LSAMP: variants seen among roughly 807,000 people sequenced by gnomAD.
The protein encoded by LSAMP is limbic system-associated membrane protein.
In LSAMP, 7 loss-of-function variants were observed where a neutral mutation model predicts 38.6. The ratio of observed to expected loss-of-function variants is 0.18; its 90% CI spans 0.10 to 0.34. The LOEUF is 0.34. LSAMP is among the 10% of genes least tolerant of loss of function. LSAMP has a pLI of 1.00. For synonymous variants in LSAMP, 154 were observed against 166.8 expected (o/e 0.92, Z 0.59); for missense variants, 313 against 420.0 (o/e 0.75, Z 2.23).
chr3:116,321,552 G>GT (rs145181305), intron 1 of LSAMP, among the ~76,000 whole-genome samples: 2,486 of 151,922 alleles, frequency 0.016, 70 homozygotes, highest in African/African-American at 0.056. Context: ...TATTATTCAT[G>GT]TTTTTTTTAC....
intron 3 of LSAMP, among the ~76,000 whole-genome samples, chr3:115,916,280 T>G (rs1937249497): frequency 6.6e-6 from 1 of 152,100 alleles, no homozygotes; most frequent in South Asian, 2.1e-4. Flanking sequence ...AATGGAGAGC[T>G]GCAAGGGGCT....
chr3:115,912,901 T>A (rs1422900295), intron 3 of LSAMP, among the ~76,000 whole-genome samples: 3 of 152,182 alleles, frequency 2.0e-5, no homozygotes, highest in Admixed American at 6.5e-5. Flanking sequence ...GTTCCTTACA[T>A]CCTGAGGTCC....
intron 1 of LSAMP, among the ~76,000 whole-genome samples, chr3:116,352,609 T>C (rs1271879188): frequency 6.6e-6 from 1 of 152,136 alleles, no homozygotes; most frequent in Non-Finnish European, 1.5e-5. Flanking sequence ...TAATAGTTCT[T>C]TTACCTAGTC....
At chr3:115,837,767 C>T (rs1436210922) in intron 6 of LSAMP, 2 of 152,208 alleles carry the variant, frequency 1.3e-5, no homozygotes, top group Non-Finnish European at 2.9e-5. Context: ...AGGGCCTAGA[C>T]TCTTGAAATA....
chr3:116,430,088 A>G (rs754674882), intron 1 of LSAMP, among the ~76,000 whole-genome samples: 18 of 152,206 alleles, frequency 1.2e-4, no homozygotes, highest in South Asian at 2.1e-4. Flanking sequence ...ATGCATGTGT[A>G]TGAAGCTGGC....
intron 1 of LSAMP, among the ~76,000 whole-genome samples, chr3:116,299,867 C>T (rs1022334683): frequency 7.9e-6 from 1 of 126,112 alleles, no homozygotes; most frequent in African/African-American, 3.7e-5. Flanking sequence ...GTGGGGAAAC[C>T]AACAGCTTGC....
At chr3:115,999,354 G>A (rs1453535582) in intron 3 of LSAMP, among the ~76,000 whole-genome samples, 2 of 151,990 alleles carry the variant, frequency 1.3e-5, no homozygotes, top group African/African-American at 4.8e-5. Flanking sequence ...TTGCTGCTTT[G>A]TTATCCCCCA....
At chr3:116,430,768 G>A (rs948778257) in intron 1 of LSAMP, among the ~76,000 whole-genome samples, 1 of 151,932 alleles carries the variant, frequency 6.6e-6, no homozygotes, top group African/African-American at 2.4e-5. Flanking sequence ...TAATTGATAG[G>A]GGGATACTTA....
intron 1 of LSAMP, among the ~76,000 whole-genome samples, chr3:116,314,765 A>G (rs997166678): frequency 6.6e-6 from 1 of 152,308 alleles, no homozygotes; most frequent in African/African-American, 2.4e-5. Flanking sequence ...AGCTGTCAAC[A>G]TCTATATAAA....
chr3:115,845,087 A>C (rs1194037738), intron 4 of LSAMP, among the ~76,000 whole-genome samples: 2 of 152,246 alleles, frequency 1.3e-5, no homozygotes, highest in Non-Finnish European at 2.9e-5. Context: ...GGTGAGGAAA[A>C]GAAGGAGTGT....
intron 3 of LSAMP, among the ~76,000 whole-genome samples, chr3:116,014,290 G>A (rs1248128727): frequency 6.6e-6 from 1 of 152,074 alleles, no homozygotes; most frequent in East Asian, 1.9e-4. Flanking sequence ...GCTCTTCCTT[G>A]TGTGTTTACA....
In LSAMP at chr3:115,958,103, C is replaced by G. The variant is rs567065484; in HGVS notation, c.514+61412G>C. On this transcript the variant is annotated intron_variant, in intron 3 of 6. Transcript: ENST00000490035. The stretch of plus-strand genomic sequence containing the variant: ...AAATCTATTCATATATGCACACACA[C>G]ATACATACGCACATAGTTTGGCTCA... 3.9e-5 allele frequency among the ~76,000 whole-genome samples: 6 copies of G among 152,244 alleles called. No individual in the cohort carries two copies. The South Asian group carries it at 1.2e-3, about 32-fold the overall frequency.
At chr3:115,861,193 CCTTCCTTCCTTCCTTT>C (rs1935687186) in intron 3 of LSAMP, among the ~76,000 whole-genome samples, 3 of 112,400 alleles carry the variant, frequency 2.7e-5, no homozygotes, top group African/African-American at 1.1e-4. Flanking sequence ...TTCCTTCCTT[CCTTCCTTCCTTCCTTT>C]CCTTCCTCCC....
chr3:115,861,900 G>A (rs1935715369), intron 3 of LSAMP, among the ~76,000 whole-genome samples: 1 of 152,146 alleles, frequency 6.6e-6, no homozygotes, highest in African/African-American at 2.4e-5. Flanking sequence ...AACATTTGTA[G>A]GATGTAGCTC....
chr3:115,858,965 G>C (rs541195689), intron 3 of LSAMP, among the ~76,000 whole-genome samples: 9 of 152,180 alleles, frequency 5.9e-5, no homozygotes, highest in African/African-American at 1.9e-4. Flanking sequence ...TCCTGTTTTT[G>C]CTTTCTTCCC....
chr3:115,870,027 T>C (rs1336696676), intron 3 of LSAMP, among the ~76,000 whole-genome samples: 1 of 152,038 alleles, frequency 6.6e-6, no homozygotes, highest in African/African-American at 2.4e-5. Flanking sequence ...TTTTTAAAGT[T>C]AAAAAATTAA....
intron 2 of LSAMP, among the ~76,000 whole-genome samples, chr3:116,031,025 A>G (rs936614587): frequency 5.3e-5 from 8 of 152,148 alleles, no homozygotes; most frequent in Non-Finnish European, 7.4e-5. Flanking sequence ...CAATTTTTGA[A>G]TTGAAAAAAT....
At chr3:116,100,902 T>A (rs1708332016) in intron 1 of LSAMP, among the ~76,000 whole-genome samples, 1 of 152,236 alleles carries the variant, frequency 6.6e-6, no homozygotes, top group Non-Finnish European at 1.5e-5. Context: ...TTTGGCAAGC[T>A]CCTGCTTACT....
chr3:115,917,940 A>C (rs1490858253), intron 3 of LSAMP, among the ~76,000 whole-genome samples: 1 of 152,218 alleles, frequency 6.6e-6, no homozygotes, highest in Admixed American at 6.5e-5. Flanking sequence ...TATTTTCTGA[A>C]AGCACCTCCT....
Sources: gnomAD v4.1 joint callset for allele counts (sites outside exome capture counted in the v4.1 genomes callset) on GRCh38, gnomAD v4.1.1 for gene constraint, MANE v1.5 for transcripts, NCBI Gene and HGNC (gene_info 2026-07-23, HGNC 2026-07-21) for gene names.